The following ACAD10 variants were observed in gnomAD, a reference collection of about 807,000 sequenced individuals.
ACAD10 encodes ACAD-10.
Under a neutral mutation model 116.8 loss-of-function variants are expected in ACAD10, and 112 were observed. The ratio of observed to expected loss-of-function variants is 0.96; its 90% confidence interval spans 0.82 to 1.12. ACAD10 has a LOEUF of 1.12. Among genes scored for constraint, ACAD10 ranks in the 50% most tolerant of loss-of-function variants. The pLI, the probability that ACAD10 is intolerant of heterozygous loss-of-function variation, is 0.00. For synonymous variants in ACAD10, 486 were observed against 510.6 expected (o/e 0.95, Z 0.65); for missense variants, 1,259 against 1,350.2 (o/e 0.93, Z 1.06).
chr12:111,748,869 T>A (rs1327987626), intron 17 of ACAD10: 1 of 861,734 alleles, frequency 1.2e-6, no homozygotes, highest in Non-Finnish European at 1.8e-6. Context: ...ATTTTTACTT[T>A]CAGTGTTTTC....
chr12:111,755,946 G>A, intron 20 of ACAD10: 1 of 704,366 alleles, frequency 1.4e-6, no homozygotes, highest in South Asian at 1.8e-5. Context: ...TGAATGTGAG[G>A]AAACAGGCAC....
In ACAD10 at chr12:111,736,961, T is replaced by A. The variant is rs78112811; in HGVS notation, c.1671T>A (p.Arg557=). The change falls in exon 12 of 21, where the codon CGT becomes CGA. Residue 557 remains arginine (R), a synonymous_variant. Coordinates refer to ENST00000313698, the MANE Select transcript of ACAD10 (RefSeq NM_025247.6). ...TCTATATGGCTTTTTCCTTTTTCCGTGTGGCTGCAATCCTACAGGGAGTCT... is the reference window on the plus strand; with the variant it reads ...TCTATATGGCTTTTTCCTTTTTCCGAGTGGCTGCAATCCTACAGGGAGTCT... ...WNFYMAFSFF[R]VAAILQGVYK... 2.9e-3 allele frequency: 4,706 copies of A among 1,613,892 alleles called. 122 individuals are homozygous for A. The African/African-American group carries it at 0.054, about 18-fold the overall frequency.
intron 7 of ACAD10, among the ~76,000 whole-genome samples, chr12:111,719,130 A>G (rs1489578261): frequency 6.6e-6 from 1 of 152,198 alleles, no homozygotes; most frequent in Non-Finnish European, 1.5e-5. Flanking sequence ...CAAAAAAAAA[A>G]GAAAAGAAAA....
chr12:111,714,765 T>C (rs1888793427), intron 6 of ACAD10, among the ~76,000 whole-genome samples: 1 of 151,824 alleles, frequency 6.6e-6, no homozygotes, highest in African/African-American at 2.4e-5. Context: ...CAGGCTGGAG[T>C]GCAATGGCAT....
intron 10 of ACAD10, among the ~76,000 whole-genome samples, chr12:111,730,657 T>C (rs560143241): frequency 6.6e-6 from 1 of 152,302 alleles, no homozygotes; most frequent in African/African-American, 2.4e-5. Context: ...GATGCAAGCA[T>C]GCCTTATTTG....
intron 16 of ACAD10, 133 bp from the exon 17 acceptor site, chr12:111,748,184 A>G: frequency 8.8e-7 from 1 of 1,138,190 alleles, no homozygotes; most frequent in South Asian, 1.5e-5. Context: ...GCAGATGCTC[A>G]TCTGATTACA....
chr12:111,726,595 C>G (rs1386239973), intron 8 of ACAD10, among the ~76,000 whole-genome samples: 3 of 152,210 alleles, frequency 2.0e-5, no homozygotes, highest in Non-Finnish European at 4.4e-5. Context: ...GGTGCAGTGG[C>G]TCACGCCTGT....
At chr12:111,743,810 G>A (rs1023780704) in intron 12 of ACAD10, among the ~76,000 whole-genome samples, 2 of 152,006 alleles carry the variant, frequency 1.3e-5, no homozygotes, top group Admixed American at 6.5e-5. Flanking sequence ...GCAATGGCAC[G>A]ATCTCGGCTC....
chr12:111,688,530 G>T (rs1887947401), intron 1 of ACAD10, among the ~76,000 whole-genome samples: 1 of 152,110 alleles, frequency 6.6e-6, no homozygotes, highest in Non-Finnish European at 1.5e-5. Flanking sequence ...GACTTGGTGT[G>T]GTGGCTCACG....
intron 18 of ACAD10, 85 bp from the exon 19 acceptor site, chr12:111,753,685 ACC>A (rs758545358): frequency 2.3e-5 from 37 of 1,584,460 alleles, no homozygotes; most frequent in Non-Finnish European, 3.2e-5. Context: ...GTCTGCTTCC[ACC>A]CAGCTCTGCA....
intron 14 of ACAD10, among the ~76,000 whole-genome samples, chr12:111,746,822 A>C (rs1889915071): frequency 1.3e-5 from 2 of 152,118 alleles, no homozygotes; most frequent in African/African-American, 4.8e-5. Flanking sequence ...GCAACATAGA[A>C]CTCTGTATGT....
At chr12:111,734,346 G>A (rs1889488215) in intron 11 of ACAD10, among the ~76,000 whole-genome samples, 2 of 152,220 alleles carry the variant, frequency 1.3e-5, no homozygotes, top group Non-Finnish European at 2.9e-5. Context: ...CATTCATTGT[G>A]GCTGGGTGTG....
At chr12:111,723,412 C>T (rs1292636810) in intron 8 of ACAD10, among the ~76,000 whole-genome samples, 18 of 127,786 alleles carry the variant, frequency 1.4e-4, no homozygotes, top group East Asian at 2.6e-4. Flanking sequence ...GCTGGCCGGG[C>T]GGGGGGCTGA....
At chr12:111,734,994 C>T (rs962670068) in intron 11 of ACAD10, among the ~76,000 whole-genome samples, 23 of 152,150 alleles carry the variant, frequency 1.5e-4, no homozygotes, top group Admixed American at 4.6e-4. Flanking sequence ...GAGGCCGAGA[C>T]GGGTGGATCA....
intron 8 of ACAD10, among the ~76,000 whole-genome samples, chr12:111,726,701 A>C (rs960319761): frequency 6.6e-6 from 1 of 151,990 alleles, no homozygotes; most frequent in African/African-American, 2.4e-5. Context: ...CTCTACTAAA[A>C]ATACAAAAAA....
chr12:111,741,537 C>G (rs1790338222), intron 12 of ACAD10, among the ~76,000 whole-genome samples: 1 of 152,202 alleles, frequency 6.6e-6, no homozygotes, highest in African/African-American at 2.4e-5. Context: ...TAAAACACCC[C>G]ACCTGTTTGC....
chr12:111,731,647 T>A (rs1889387206), intron 10 of ACAD10, among the ~76,000 whole-genome samples: 1 of 152,234 alleles, frequency 6.6e-6, no homozygotes, highest in African/African-American at 2.4e-5. Flanking sequence ...AAAGGCATCC[T>A]CTGATTTTAG....
intron 4 of ACAD10, among the ~76,000 whole-genome samples, chr12:111,707,339 A>G (rs1188305759): frequency 2.4e-5 from 3 of 123,140 alleles, no homozygotes; most frequent in African/African-American, 6.2e-5. Flanking sequence ...CAAGTGACCA[A>G]CCCACCTCAG....
At chr12:111,756,268 A>G (rs2068082777) in intron 20 of ACAD10, 65 bp from the exon 21 acceptor site, 1 of 1,506,240 alleles carries the variant, frequency 6.6e-7, no homozygotes, top group Non-Finnish European at 8.8e-7. Context: ...GCAGGCTATC[A>G]TTCCTGGGGC....
Sources: allele counts gnomAD v4.1 joint callset (sites outside exome capture counted in the v4.1 genomes callset), GRCh38; gene constraint gnomAD v4.1.1; transcripts MANE v1.5; gene names NCBI Gene and HGNC (gene_info 2026-07-23, HGNC 2026-07-21).